The following LAMA3 variants were observed in gnomAD, a reference collection of about 807,000 sequenced individuals.
LAMA3 encodes the protein laminin subunit alpha 3.
A neutral mutation model predicts 402.0 loss-of-function variants in LAMA3; 281 were observed. The observed-to-expected ratio is 0.70, with a 90% CI of 0.63 to 0.77. LAMA3 has a LOEUF of 0.77. Ranked by LOEUF, LAMA3 falls within the 30% of genes least tolerant of loss-of-function variation. LAMA3 has a pLI of 0.00. For synonymous variants in LAMA3, 1,431 were observed against 1,558.4 expected (o/e 0.92, Z 1.93); for missense variants, 3,840 against 4,215.5 (o/e 0.91, Z 2.47).
rs2082406987 is a variant in LAMA3 at position 23,939,222 on chromosome 18, G to A, written c.8863-1G>A. On this transcript the variant is annotated splice_acceptor_variant, in intron 67 of 74. Transcript: ENST00000313654. LOFTEE classifies it high-confidence loss of function. ...AATTGTGTTGCTCTTTTCCCATGCA[G>A]CTGTTGCAGGACACACCAGTGGCCT... The A allele has an allele frequency of 1.2e-6, 2 of 1,613,874 alleles. No homozygotes were observed. The highest frequency in any genetic ancestry group is 8.5e-7 in the Non-Finnish European group (1 of 1,179,932).
At chr18:23,846,635 TG>T (rs1343471628) in intron 31 of LAMA3, 127 bp downstream of exon 31, 3 of 912,606 alleles carry the variant, frequency 3.3e-6, no homozygotes, top group Admixed American at 2.0e-5. Context: ...ATGCAGATTC[TG>T]ATTCAGGAGA....
chr18:23,810,330 A>AC, intron 12 of LAMA3, 36 bp from the exon 13 acceptor site: 1 of 1,613,240 alleles, frequency 6.2e-7, no homozygotes, highest in South Asian at 1.1e-5. Context: ...CATACCTGCA[A>AC]CCCCCGCCTA....
chr18:23,862,009 C>T (rs973955627), intron 35 of LAMA3, among the ~76,000 whole-genome samples: 3 of 152,184 alleles, frequency 2.0e-5, no homozygotes, highest in Non-Finnish European at 4.4e-5. Context: ...CCCACCATTG[C>T]CATGCATGAG....
intron 42 of LAMA3, among the ~76,000 whole-genome samples, chr18:23,891,722 G>A (rs992938476): frequency 3.3e-5 from 5 of 152,212 alleles, no homozygotes; most frequent in African/African-American, 1.2e-4. Context: ...AGCAGGAGGT[G>A]TAAAAAAGCT....
intron 2 of LAMA3, among the ~76,000 whole-genome samples, chr18:23,725,936 T>C (rs771971898): frequency 6.6e-6 from 1 of 152,226 alleles, no homozygotes; most frequent in South Asian, 2.1e-4. Flanking sequence ...CTCTGTTCCA[T>C]AGGTTTTAAG....
chr18:23,766,261 G>A (rs768240031), intron 8 of LAMA3, among the ~76,000 whole-genome samples: 1 of 152,104 alleles, frequency 6.6e-6, no homozygotes, highest in Non-Finnish European at 1.5e-5. Flanking sequence ...GAAACTGGAG[G>A]TCACAGAAGG....
chr18:23,911,898 A>G (rs1388132636), intron 55 of LAMA3, among the ~76,000 whole-genome samples: 1 of 146,214 alleles, frequency 6.8e-6, no homozygotes, highest in African/African-American at 2.5e-5. Flanking sequence ...TACAATGTAC[A>G]TATAATTATA....
At chr18:23,818,229 C>T (rs1397873384) in intron 18 of LAMA3, among the ~76,000 whole-genome samples, 3 of 152,212 alleles carry the variant, frequency 2.0e-5, no homozygotes, top group Non-Finnish European at 4.4e-5. Context: ...AGCTTCTCCG[C>T]TACTTAACCA....
rs191322613 is a variant in LAMA3 at position 23,816,678 on chromosome 18, A to G, written c.2147+191A>G. ...TAAAACAGGAGATTACTTTGCCCAT[A>G]AAGCCTGTTCTACTGTGTAGACCAT... On this transcript the variant is annotated intron_variant, in intron 18 of 74. Coordinates refer to ENST00000313654, the MANE Select transcript of LAMA3 (RefSeq NM_198129.4). Among the ~76,000 whole-genome samples the G allele has an allele frequency of 7.2e-5, 11 of 152,312 alleles. No homozygotes were observed. In the East Asian group the frequency reaches 1.9e-3, roughly 27 times the overall value.
In LAMA3 at chr18:23,876,433, A is replaced by G. The variant is rs747083269; in HGVS notation, c.5112+26A>G. The stretch of plus-strand genomic sequence containing the variant: ...GTGAGTAAATTGACACTTTAATGCT[A>G]TCAGCAGACAATCTGTTTCTCCTCC... On this transcript the variant is annotated intron_variant, in intron 39 of 74. Coordinates refer to ENST00000313654, the MANE Select transcript of LAMA3 (RefSeq NM_198129.4). The G allele has an allele frequency of 3.5e-6, 5 of 1,409,634 alleles. No homozygotes were observed. In the South Asian group the frequency reaches 4.6e-5, roughly 13 times the overall value. The allele number at this position is 1,409,634 out of a possible 1,614,324, so 87.3% of individuals were successfully genotyped here.
At position 23,709,875 on chromosome 18, in the gene LAMA3, T is replaced by C. The variant is rs892040150; in HGVS notation, c.295-4045T>C. 34 of 729,674 alleles carry C rather than the reference T, an allele frequency of 4.7e-5. 2 individuals are homozygous for C. The highest frequency in any genetic ancestry group is 7.8e-5 in the Non-Finnish European group (32 of 407,882). The allele number at this position is 729,674 out of a possible 1,614,324, so 45.2% of individuals were successfully genotyped here. ...CAAAGCATTGTAATCAGGAGCCAGTTGAACATATGCCTTCTTCTCTCCATC... is the reference window on the plus strand; with the variant it reads ...CAAAGCATTGTAATCAGGAGCCAGTCGAACATATGCCTTCTTCTCTCCATC... On this transcript the variant is annotated intron_variant, in intron 1 of 74. Coordinates refer to ENST00000313654, the MANE Select transcript of LAMA3 (RefSeq NM_198129.4).
chr18:23,847,278 C>T (rs2063837853), intron 31 of LAMA3, among the ~76,000 whole-genome samples, 186 bp from the exon 32 acceptor site: 1 of 152,204 alleles, frequency 6.6e-6, no homozygotes, highest in African/African-American at 2.4e-5. Context: ...TCCTCAATCC[C>T]CATCCACACT....
chr18:23,946,105 AG>A, intron 69 of LAMA3, 38 bp from the exon 70 acceptor site: 1 of 1,596,694 alleles, frequency 6.3e-7, no homozygotes, highest in Middle Eastern at 1.7e-4. Flanking sequence ...CAATTGTCAA[AG>A]GTAAAAATAC....
rs79703416 is a variant in LAMA3, at chr18:23,733,200, C to A, written c.448-14743C>A. On this transcript the variant is annotated intron_variant, in intron 2 of 74. Transcript: ENST00000313654. ...AATGCATGCACAAAGATTAGGGTAT[C>A]CCTGATAAGTGTAACTACCATGGAG... Among the ~76,000 whole-genome samples, 240 of 152,138 alleles carry A rather than the reference C, an allele frequency of 1.6e-3. 3 individuals carry two copies. The East Asian group carries it at 0.023, about 15-fold the overall frequency.
At chr18:23,832,453 G>T (rs2063506650) in intron 23 of LAMA3, among the ~76,000 whole-genome samples, 2 of 152,318 alleles carry the variant, frequency 1.3e-5, no homozygotes, top group South Asian at 4.1e-4. Flanking sequence ...AATACCAAAT[G>T]TGAATTTCCT....
At chr18:23,736,900 C>G (rs1242928155) in intron 2 of LAMA3, among the ~76,000 whole-genome samples, 1 of 152,134 alleles carries the variant, frequency 6.6e-6, no homozygotes, top group Non-Finnish European at 1.5e-5. Context: ...AGCCCAGAGG[C>G]CCCTCTCCAG....
chr18:23,742,300 A>T (rs1459394129), intron 2 of LAMA3, among the ~76,000 whole-genome samples: 2 of 152,290 alleles, frequency 1.3e-5, no homozygotes, highest in African/African-American at 2.4e-5. Context: ...AGGACAAAAC[A>T]TGTTGGGGGA....
At chr18:23,755,029 G>A (rs1488705716) in intron 6 of LAMA3, among the ~76,000 whole-genome samples, 1 of 152,172 alleles carries the variant, frequency 6.6e-6, no homozygotes, top group Non-Finnish European at 1.5e-5. Flanking sequence ...GTGCTGTTGA[G>A]AGAGCTTACG....
intron 59 of LAMA3, 26 bp downstream of exon 59, chr18:23,915,448 C>G: frequency 6.2e-7 from 1 of 1,607,370 alleles, no homozygotes; most frequent in South Asian, 1.1e-5. Flanking sequence ...AAACCAGAAA[C>G]TCTGTAACTG....
Sources: gnomAD v4.1 joint callset for allele counts (sites outside exome capture counted in the v4.1 genomes callset) on GRCh38, gnomAD v4.1.1 for gene constraint, MANE v1.5 for transcripts, NCBI Gene and HGNC (gene_info 2026-07-23, HGNC 2026-07-21) for gene names.